GSTCD: variants seen among roughly 807,000 people sequenced by gnomAD.
GSTCD encodes glutathione S-transferase C-terminal domain-containing protein.
In GSTCD, 44 loss-of-function variants were observed where a neutral mutation model predicts 68.3. The observed-to-expected ratio is 0.64, with a 90% CI of 0.51 to 0.83. The LOEUF is 0.83. GSTCD is among the 40% of genes least tolerant of loss of function. GSTCD has a pLI of 0.00. For synonymous variants in GSTCD, 273 were observed against 255.2 expected, an observed-to-expected ratio of 1.07 and a Z score of -0.67; for missense variants, 739 against 735.9, an observed-to-expected ratio of 1.00 and a Z score of -0.05.
At chr4:105,741,903 G>C (rs1416960921) in intron 5 of GSTCD, among the ~76,000 whole-genome samples, 1 of 152,006 alleles carries the variant, frequency 6.6e-6, no homozygotes, top group Non-Finnish European at 1.5e-5. Context: ...TTTCAGTTCT[G>C]GTAATTTCAA....
chr4:105,780,368 C>T (rs1420274672), intron 5 of GSTCD, among the ~76,000 whole-genome samples: 1 of 152,166 alleles, frequency 6.6e-6, no homozygotes, highest in African/African-American at 2.4e-5. Flanking sequence ...TTTTATAATG[C>T]TCTGGAAAAT....
chr4:105,732,221 G>A (rs986354647), intron 5 of GSTCD, among the ~76,000 whole-genome samples: 4 of 152,172 alleles, frequency 2.6e-5, no homozygotes, highest in Non-Finnish European at 5.9e-5. Flanking sequence ...GAGTTAGGGA[G>A]GATTCCCTCT....
intron 8 of GSTCD, chr4:105,826,006 T>C (rs1456756009): frequency 1.3e-5 from 3 of 233,882 alleles, no homozygotes; most frequent in Non-Finnish European, 2.5e-5. Context: ...TAACATTGGC[T>C]CCTCTATCAG....
intron 5 of GSTCD, among the ~76,000 whole-genome samples, chr4:105,778,568 T>C (rs552859348): frequency 9.2e-5 from 14 of 152,240 alleles, no homozygotes; most frequent in East Asian, 5.8e-4. Context: ...GCCATTTTTT[T>C]CCCCACTGGT....
chr4:105,723,348 T>C (rs1442242639), intron 3 of GSTCD, among the ~76,000 whole-genome samples: 3 of 151,946 alleles, frequency 2.0e-5, no homozygotes, highest in Admixed American at 6.6e-5. Flanking sequence ...CCATTGGTTC[T>C]GTATTCATGT....
intron 1 of GSTCD, among the ~76,000 whole-genome samples, chr4:105,711,408 T>G (rs1322899418): frequency 3.3e-5 from 5 of 152,244 alleles, no homozygotes. Context: ...AAATATGTTT[T>G]TTTTCAGTAT....
intron 5 of GSTCD, among the ~76,000 whole-genome samples, chr4:105,794,839 TTATCTATC>T (rs148088004): frequency 0.13 from 14,967 of 114,338 alleles, 882 homozygotes; most frequent in African/African-American, 0.19. Flanking sequence ...ATCTATCTAT[TTATCTATC>T]TATCTATCTA....
chr4:105,728,320 G>A (rs1312118021), intron 4 of GSTCD, among the ~76,000 whole-genome samples: 1 of 152,058 alleles, frequency 6.6e-6, no homozygotes, highest in Non-Finnish European at 1.5e-5. Flanking sequence ...CAATATAGTT[G>A]TGTTTTTTAA....
intron 8 of GSTCD, among the ~76,000 whole-genome samples, chr4:105,827,623 G>A (rs1723698773): frequency 6.6e-6 from 1 of 152,066 alleles, no homozygotes; most frequent in African/African-American, 2.4e-5. Flanking sequence ...TAACTCCTGT[G>A]TTAAATGTGT....
chr4:105,726,561 T>C lies in GSTCD; in HGVS notation c.895-18T>C. The C allele has an allele frequency of 1.3e-6, 2 of 1,492,266 alleles. No homozygotes were observed. The highest frequency in any genetic ancestry group is 1.8e-6 in the Non-Finnish European group (2 of 1,103,250). 92.4% of individuals were successfully genotyped at this position (1,492,266 alleles called of 1,614,324 possible). A position where few individuals can be genotyped will look rare whatever the true frequency, so the allele number is the denominator to read the frequency against. On this transcript the variant is annotated intron_variant, in intron 3 of 11. Coordinates refer to ENST00000515279, the MANE Select transcript of GSTCD (RefSeq NM_001370181.1). ...ACAAAATATATATAATAATGTGTTT[T>C]ATTATTTTCCTACCTAGGTAATTAT...
rs201421309 is a variant in GSTCD at position 105,812,686 on chromosome 4, T to TTA, written c.1241-10258_1241-10257dup. 8.4e-3 allele frequency among the ~76,000 whole-genome samples: 1,284 copies of TTA among 151,992 alleles called. 20 individuals are homozygous for TTA. Among genetic ancestry groups the TTA allele is most frequent in the African/African-American group, 0.029 (1,210 of 41,468 alleles). ...ATTTTTTTTACTAAATCCAAGCCATTTATATATATATGTTTTAACTCCAGC... is the reference window on the plus strand; with the variant it reads ...ATTTTTTTTACTAAATCCAAGCCATTTATATATATATATGTTTTAACTCCAGC... On this transcript the variant is annotated intron_variant, in intron 5 of 11. Coordinates refer to ENST00000515279, the MANE Select transcript of GSTCD (RefSeq NM_001370181.1).
At chr4:105,723,715 T>C (rs1172670001) in intron 3 of GSTCD, among the ~76,000 whole-genome samples, 2 of 151,676 alleles carry the variant, frequency 1.3e-5, no homozygotes, top group African/African-American at 4.8e-5. Flanking sequence ...TTAAATAATA[T>C]GTAAAAAAAT....
At chr4:105,786,995 C>T (rs372038650) in intron 5 of GSTCD, among the ~76,000 whole-genome samples, 1 of 152,110 alleles carries the variant, frequency 6.6e-6, no homozygotes. Context: ...TTTACACCCA[C>T]GAGAATTGAA....
rs567565253 is a variant in GSTCD, at chr4:105,739,886, C to T, written c.1240+10387C>T. On this transcript the variant is annotated intron_variant, in intron 5 of 11. Coordinates refer to ENST00000515279, the MANE Select transcript of GSTCD (RefSeq NM_001370181.1). Reference sequence around the variant, plus strand: ...GGATGGAACGGTTCTGCCAGAACACCGTTTCTCCAGGAATGAGTGTGTAGC... The same window carrying T: ...GGATGGAACGGTTCTGCCAGAACACTGTTTCTCCAGGAATGAGTGTGTAGC... Among the ~76,000 whole-genome samples the T allele has an allele frequency of 4.0e-3, 607 of 152,220 alleles. 5 individuals carry two copies. Among genetic ancestry groups the T allele is most frequent in the African/African-American group, 0.014 (567 of 41,546 alleles).
chr4:105,793,496 G>T (rs1336005190), intron 5 of GSTCD, among the ~76,000 whole-genome samples: 3 of 151,056 alleles, frequency 2.0e-5, no homozygotes, highest in Admixed American at 6.6e-5. Context: ...TTTTCTTTAA[G>T]ATTAAAACAG....
chr4:105,782,678 G>A (rs1735323322), intron 5 of GSTCD, among the ~76,000 whole-genome samples: 1 of 151,988 alleles, frequency 6.6e-6, no homozygotes, highest in Non-Finnish European at 1.5e-5. Flanking sequence ...CTCCTCCTGG[G>A]TTCAAACGAT....
At chr4:105,827,446 G>T (rs530344811) in intron 8 of GSTCD, among the ~76,000 whole-genome samples, 1 of 152,236 alleles carries the variant, frequency 6.6e-6, no homozygotes, top group African/African-American at 2.4e-5. Flanking sequence ...CATCTATAAT[G>T]ACTTTTTTTC....
chr4:105,841,158 A>C (rs553029407), intron 10 of GSTCD, among the ~76,000 whole-genome samples: 4 of 152,048 alleles, frequency 2.6e-5, no homozygotes, highest in Non-Finnish European at 5.9e-5. Context: ...TACTAAAAAA[A>C]ATAAATAAAT....
At chr4:105,799,851 C>T (rs981732303) in intron 5 of GSTCD, among the ~76,000 whole-genome samples, 1 of 149,956 alleles carries the variant, frequency 6.7e-6, no homozygotes, top group African/African-American at 2.5e-5. Context: ...GTAAAAAACA[C>T]AGTATTTCTA....
Sources: gnomAD v4.1 joint callset for allele counts (sites outside exome capture counted in the v4.1 genomes callset) on GRCh38, gnomAD v4.1.1 for gene constraint, MANE v1.5 for transcripts, NCBI Gene and HGNC (gene_info 2026-07-23, HGNC 2026-07-21) for gene names.